Variants in CARS2 observed in about 807,000 individuals in gnomAD.
The protein encoded by CARS2 is probable cysteine--tRNA ligase, mitochondrial.
In CARS2, 52 loss-of-function variants were observed where a neutral mutation model predicts 68.8. The ratio of observed to expected loss-of-function variants is 0.76; its 90% CI spans 0.61 to 0.95. The LOEUF is 0.95. CARS2 is among the 40% of genes least tolerant of loss of function. CARS2 has a pLI of 0.00. For missense variants in CARS2, 780 were observed against 754.2 expected (o/e 1.03, Z -0.40); for synonymous variants, 314 against 303.6 (o/e 1.03, Z -0.36).
chr13:110,659,161 C>T (rs148819079), intron 9 of CARS2, among the ~76,000 whole-genome samples: 25 of 152,190 alleles, frequency 1.6e-4, no homozygotes, highest in South Asian at 6.2e-4. Context: ...TGCACACACA[C>T]GCTCACCACT....
chr13:110,654,747 G>T (rs146534034), intron 9 of CARS2, among the ~76,000 whole-genome samples: 13 of 151,630 alleles, frequency 8.6e-5, no homozygotes, highest in African/African-American at 3.1e-4. Flanking sequence ...GTGAGACTTC[G>T]TCTCTAGAAA....
Position 110,665,661 on chromosome 13 carries a change from CAG to C in CARS2, c.919+1677_919+1678del. The stretch of plus-strand genomic sequence containing the variant: ...CTACTGAACAGGATAAACCTGCAGA[CAG>C]AAACGTGCCTGCGGAGGGAGCAACT... On this transcript the variant is annotated intron_variant, in intron 8 of 14. Transcript: ENST00000257347. This position sits in a 1 kb window ranked among gnomAD's most constrained non-coding sequence, Gnocchi z 4.3. 1 of 985,398 alleles carries C rather than the reference CAG, an allele frequency of 1.0e-6. No homozygotes were observed. The highest frequency in any genetic ancestry group is 1.2e-6 in the Non-Finnish European group (1 of 829,944). 61.0% of individuals were successfully genotyped at this position (985,398 alleles called of 1,614,324 possible).
At chr13:110,699,995 G>A (rs897426811) in intron 3 of CARS2, among the ~76,000 whole-genome samples, 2 of 152,230 alleles carry the variant, frequency 1.3e-5, no homozygotes, top group East Asian at 3.8e-4. Context: ...TCTGCTACCC[G>A]CCACAAGTGC....
chr13:110,693,100 A>G (rs2063520589), intron 3 of CARS2, among the ~76,000 whole-genome samples: 1 of 113,410 alleles, frequency 8.8e-6, no homozygotes, highest in South Asian at 3.1e-4. Flanking sequence ...ACAGAGCGAG[A>G]CTCTGTCTCA....
At position 110,644,387 on chromosome 13, in the gene CARS2, G is replaced by T; in HGVS notation, c.1414C>A (p.Gln472Lys). 1 of 1,613,220 alleles carries T rather than the reference G, an allele frequency of 6.2e-7. No individual in the cohort carries two copies. Among genetic ancestry groups the T allele is most frequent in the Non-Finnish European group, 8.5e-7 (1 of 1,179,210 alleles). The change falls in exon 13 of 15, where the codon CAG (glutamine) becomes AAG (lysine). Residue 472 changes from glutamine (Q) to lysine (K), a missense_variant and splice_region_variant. Transcript: ENST00000257347. ...GCATTTAAAATAATAGGACCTACCT[G>T]TTGATTTGCCAGAGAAATTCCAACA... ...ETVGISLANQQYVSGDGSEAT... is the reference protein window; with the variant it reads ...ETVGISLANQKYVSGDGSEAT...
rs1246778722 is a variant in CARS2 at position 110,706,076 on chromosome 13, G to A, written c.18C>T (p.Arg6=). Residue 6 remains arginine (R), a synonymous_variant, in exon 1 of 15, where the codon CGC becomes CGT. Transcript: ENST00000257347. MLRTT[R]GPGLGPPLLQ... The stretch of plus-strand genomic sequence containing the variant: ...GCAGCGGGGGGCCCAGGCCTGGGCC[G>A]CGCGTAGTCCTCAACATGTCAGCGG... The A allele has an allele frequency of 7.5e-7, 1 of 1,333,538 alleles. No homozygotes were observed. The highest frequency in any genetic ancestry group is 9.6e-7 in the Non-Finnish European group (1 of 1,042,504). The allele number at this position is 1,333,538 out of a possible 1,614,324, so 82.6% of individuals were successfully genotyped here.
chr13:110,712,747 G>A (rs759190338), intron 1 of CARS2: 6 of 701,196 alleles, frequency 8.6e-6, no homozygotes, highest in South Asian at 1.5e-5. Flanking sequence ...CTCCGAGAAC[G>A]GTGTCCATGA....
In CARS2 at chr13:110,687,940, A is replaced by G. The variant is rs985443671; in HGVS notation, c.465+7T>C. 9.3e-6 allele frequency: 15 copies of G among 1,611,750 alleles called. No individual in the cohort carries two copies. The highest frequency in any genetic ancestry group is 1.3e-5 in the African/African-American group (1 of 74,990). On this transcript the variant is annotated splice_region_variant and intron_variant, in intron 4 of 14. Coordinates refer to ENST00000257347, the MANE Select transcript of CARS2 (RefSeq NM_024537.4). ...TCATGGCAGGAACAACCAGCCCCAC[A>G]CTTTACCTTCAGGGCTGCCATGTCC...
Position 110,642,275 on chromosome 13 carries a change from G to T in CARS2, c.1623+40C>A, listed in dbSNP as rs751019720. On this transcript the variant is annotated intron_variant, in intron 14 of 14. Coordinates refer to ENST00000257347, the MANE Select transcript of CARS2 (RefSeq NM_024537.4). ...GCCCCACGTCCTGTTGACCTACCCG[G>T]CTCCTGGGGTGATGTCCCTGACCTT... 5 of 1,495,838 alleles carry T rather than the reference G, an allele frequency of 3.3e-6. No homozygotes were observed. In the South Asian group the frequency reaches 6.0e-5, roughly 18 times the overall value. 92.7% of individuals were successfully genotyped at this position (1,495,838 alleles called of 1,614,324 possible). A position where few individuals can be genotyped will look rare whatever the true frequency, so the allele number is the denominator to read the frequency against.
intron 7 of CARS2, among the ~76,000 whole-genome samples, chr13:110,671,905 G>C (rs2062812866): frequency 6.6e-6 from 1 of 151,936 alleles, no homozygotes; most frequent in Non-Finnish European, 1.5e-5. Flanking sequence ...AAAAAGCAGG[G>C]GTTGCAAACC....
At chr13:110,679,559 AAGAAAGAAAGAG>A (rs1490243788) in intron 6 of CARS2, among the ~76,000 whole-genome samples, 3 of 54,594 alleles carry the variant, frequency 5.5e-5, no homozygotes, top group South Asian at 1.6e-3. Flanking sequence ...AAAAGAAAGA[AAGAAAGAAAGAG>A]AGAGAAAGAA....
chr13:110,701,663 G>T, intron 2 of CARS2, 108 bp from the exon 3 acceptor site: 1 of 694,132 alleles, frequency 1.4e-6, no homozygotes. Flanking sequence ...CTACTGTGTA[G>T]CACAATGGAC....
At chr13:110,713,296 T>A (rs1225128697) in exon 1 of CARS2, 20 of 1,256,038 alleles carry the variant, frequency 1.6e-5, no homozygotes, top group Non-Finnish European at 1.7e-5. Context: ...CGGTAGTTGC[T>A]GTGTACCATG....
chr13:110,712,733 C>A (rs2064046076), intron 1 of CARS2: 2 of 696,284 alleles, frequency 2.9e-6, no homozygotes, highest in Non-Finnish European at 5.2e-6. Context: ...GTGTGGGGAG[C>A]GGCCTCCGAG....
chr13:110,644,636 G>A lies in CARS2; in HGVS notation c.1318-153C>T, dbSNP rs968011326. The A allele has an allele frequency of 1.0e-5, 14 of 1,341,492 alleles. No homozygotes were observed. In the South Asian group the frequency reaches 1.5e-4, roughly 14 times the overall value. 83.1% of individuals were successfully genotyped at this position (1,341,492 alleles called of 1,614,324 possible). Reference sequence around the variant, plus strand: ...GGAGGGAGGACACAGCTCTGGCATCGGCTACCTCACTGCAGACCATACAAC... The same window carrying A: ...GGAGGGAGGACACAGCTCTGGCATCAGCTACCTCACTGCAGACCATACAAC... On this transcript the variant is annotated intron_variant, in intron 12 of 14. Transcript: ENST00000257347.
At chr13:110,712,869 C>A in intron 1 of CARS2, 3 of 1,310,610 alleles carry the variant, frequency 2.3e-6, no homozygotes, top group Non-Finnish European at 3.2e-6. Context: ...TGTCTCCAAG[C>A]CGTTCCAAAC....
At chr13:110,643,246 G>C (rs1887638872) in intron 13 of CARS2, 1 of 167,332 alleles carries the variant, frequency 6.0e-6, no homozygotes, top group African/African-American at 2.4e-5. Context: ...ACAAGGGCTA[G>C]GCAGAGCTTG....
intron 9 of CARS2, among the ~76,000 whole-genome samples, chr13:110,654,884 C>T (rs1224417225): frequency 7.4e-6 from 1 of 135,394 alleles, no homozygotes; most frequent in Non-Finnish European, 1.5e-5. Context: ...CCAGGTGCCA[C>T]TGCACCAGGT....
At chr13:110,698,063 C>A (rs912139432) in intron 3 of CARS2, 20 of 433,734 alleles carry the variant, frequency 4.6e-5, no homozygotes, top group Non-Finnish European at 8.6e-5. Flanking sequence ...CCTCTGACTT[C>A]CAATCCAAAT....
Sources: gnomAD v4.1 joint callset for allele counts (sites outside exome capture counted in the v4.1 genomes callset) on GRCh38, gnomAD v4.1.1 for gene constraint, Gnocchi (gnomAD v3.1) non-coding constraint, MANE v1.5 for transcripts, NCBI Gene and HGNC (gene_info 2026-07-23, HGNC 2026-07-21) for gene names.